ADCY2: variants seen among roughly 807,000 people sequenced by gnomAD.
ADCY2 encodes the protein adenylate cyclase 2.
Under a neutral mutation model 125.2 loss-of-function variants are expected in ADCY2, and 31 were observed. That is an observed-to-expected ratio of 0.25 (90% CI 0.19 to 0.33). The LOEUF (loss-of-function observed/expected upper bound fraction) is 0.33. Ranked by LOEUF, ADCY2 falls within the 10% of genes least tolerant of loss-of-function variation. The pLI is 1.00. For missense variants in ADCY2, 904 were observed against 1,418.2 expected, an observed-to-expected ratio of 0.64 and a Z score of 5.82; for synonymous variants, 512 against 548.4, an observed-to-expected ratio of 0.93 and a Z score of 0.93.
rs546133769 is a variant in ADCY2 at position 7,536,150 on chromosome 5, G to A, written c.570+15251G>A. Among the ~76,000 whole-genome samples, 36 of 152,326 alleles carry A rather than the reference G, an allele frequency of 2.4e-4. 1 individual carries two copies. The South Asian group carries it at 6.4e-3, about 27-fold the overall frequency. On this transcript the variant is annotated intron_variant, in intron 3 of 24. Transcript: ENST00000338316. ...GTTGAAGACTGTGTTTCCTGATTTA[G>A]TACAAAGGAGTTTCTCTGAGGCAAA...
At chr5:7,706,455 C>T (rs1561179007) in intron 7 of ADCY2, among the ~76,000 whole-genome samples, 1 of 152,168 alleles carries the variant, frequency 6.6e-6, no homozygotes, top group Non-Finnish European at 1.5e-5. Context: ...CACATGGTAG[C>T]TGCTTGATAC....
intron 1 of ADCY2, among the ~76,000 whole-genome samples, chr5:7,404,851 C>A (rs1739410490): frequency 6.6e-6 from 1 of 152,202 alleles, no homozygotes; most frequent in African/African-American, 2.4e-5. Context: ...GGTTTGCTCA[C>A]TTCCCTGTCT....
intron 4 of ADCY2, among the ~76,000 whole-genome samples, chr5:7,647,870 T>C (rs1738953528): frequency 6.6e-6 from 1 of 152,212 alleles, no homozygotes; most frequent in South Asian, 2.1e-4. Flanking sequence ...CCCCTCTGTA[T>C]TGAAATATTT....
chr5:7,822,945 G>A (rs1013880343), intron 24 of ADCY2, among the ~76,000 whole-genome samples: 1 of 152,194 alleles, frequency 6.6e-6, no homozygotes, highest in Non-Finnish European at 1.5e-5. Context: ...GCTTAGCCAA[G>A]ACATGCGAAT....
At chr5:7,594,746 G>A (rs968407845) in intron 3 of ADCY2, among the ~76,000 whole-genome samples, 2 of 152,124 alleles carry the variant, frequency 1.3e-5, no homozygotes, top group East Asian at 3.9e-4. Flanking sequence ...AGGTGGGTAG[G>A]ATTTTCTATA....
chr5:7,396,221 G>T lies in ADCY2; in HGVS notation c.-76G>T, dbSNP rs1739018470. 7.1e-6 allele frequency: 6 copies of T among 847,440 alleles called. No homozygotes were observed. In the South Asian group the frequency reaches 2.7e-4, roughly 38 times the overall value. 52.5% of individuals were successfully genotyped at this position (847,440 alleles called of 1,614,324 possible). ...CCGGGCCGGCCGAGGCGGCGCGGGGGTGGGACGCGGGCGGCCGCGGCGAGC... is the reference window on the plus strand; with the variant it reads ...CCGGGCCGGCCGAGGCGGCGCGGGGTTGGGACGCGGGCGGCCGCGGCGAGC... On this transcript the variant is annotated 5_prime_UTR_variant, in exon 1 of 25. Coordinates refer to ENST00000338316, the MANE Select transcript of ADCY2 (RefSeq NM_020546.3). This position sits in a 1 kb window ranked among gnomAD's most constrained non-coding sequence, Gnocchi z 5.7.
chr5:7,408,368 A>G (rs970530069), intron 1 of ADCY2, among the ~76,000 whole-genome samples: 4 of 151,914 alleles, frequency 2.6e-5, no homozygotes, highest in Admixed American at 6.6e-5. Context: ...TTAGGTGGCT[A>G]TTATTATTAT....
chr5:7,735,917 G>T (rs1742235756), intron 14 of ADCY2, among the ~76,000 whole-genome samples: 1 of 152,114 alleles, frequency 6.6e-6, no homozygotes, highest in South Asian at 2.1e-4. Context: ...AAAGTTTTGG[G>T]CCAGGCATGC....
intron 4 of ADCY2, among the ~76,000 whole-genome samples, chr5:7,660,922 A>G (rs1213820535): frequency 2.0e-5 from 3 of 152,200 alleles, no homozygotes; most frequent in Non-Finnish European, 2.9e-5. Context: ...GGAGGTGAGG[A>G]AAGATCCTTG....
rs1355562230 is a variant in ADCY2 at position 7,717,324 on chromosome 5, A to C, written c.1703+87A>C. On this transcript the variant is annotated intron_variant, in intron 12 of 24. Transcript: ENST00000338316. The stretch of plus-strand genomic sequence containing the variant: ...CATGGGCTCTGCAATAGTTACCATG[A>C]CAAAGCCAAGTTTCTGAGACCATTC... 3 of 862,562 alleles carry C rather than the reference A, an allele frequency of 3.5e-6. No individual in the cohort carries two copies. The African/African-American group carries it at 5.2e-5, about 15-fold the overall frequency. 53.4% of individuals were successfully genotyped at this position (862,562 alleles called of 1,614,324 possible). A position where few individuals can be genotyped will look rare whatever the true frequency, so the allele number is the denominator to read the frequency against.
chr5:7,787,181 G>A (rs993359083), intron 19 of ADCY2, among the ~76,000 whole-genome samples: 4 of 152,160 alleles, frequency 2.6e-5, no homozygotes, highest in East Asian at 1.9e-4. Flanking sequence ...GGAAGCCTGC[G>A]TGTCTCTCCC....
chr5:7,534,264 C>T (rs1044466004), intron 3 of ADCY2, among the ~76,000 whole-genome samples: 2 of 152,240 alleles, frequency 1.3e-5, no homozygotes, highest in Admixed American at 6.5e-5. Context: ...CCATCACACC[C>T]ATGCTGGTGG....
chr5:7,585,103 A>G (rs2126616929), intron 3 of ADCY2, among the ~76,000 whole-genome samples: 1 of 152,286 alleles, frequency 6.6e-6, no homozygotes, highest in African/African-American at 2.4e-5. Flanking sequence ...ACCATCATTA[A>G]CTATATTTAG....
chr5:7,593,802 G>A (rs1389371922), intron 3 of ADCY2, among the ~76,000 whole-genome samples: 2 of 151,022 alleles, frequency 1.3e-5, no homozygotes, highest in Non-Finnish European at 3.0e-5. Context: ...ATAGACAAAC[G>A]TGAAAAAAAA....
chr5:7,600,352 C>G (rs1303699585), intron 3 of ADCY2, among the ~76,000 whole-genome samples: 1 of 152,102 alleles, frequency 6.6e-6, no homozygotes, highest in Non-Finnish European at 1.5e-5. Flanking sequence ...CAGGAGGGCA[C>G]AGTGGACTGG....
At chr5:7,501,620 C>T (rs1743576490) in intron 2 of ADCY2, among the ~76,000 whole-genome samples, 1 of 87,596 alleles carries the variant, frequency 1.1e-5, no homozygotes, top group African/African-American at 4.7e-5. Context: ...CCTCATATCC[C>T]ATCAAAAAAG....
At chr5:7,724,725 T>C in intron 13 of ADCY2, 111 bp downstream of exon 13, 2 of 751,626 alleles carry the variant, frequency 2.7e-6, no homozygotes, top group Non-Finnish European at 4.4e-6. Context: ...CCTCTGACTA[T>C]ATTCGAACTC....
intron 20 of ADCY2, chr5:7,801,254 A>G (rs1179768589): frequency 6.6e-6 from 1 of 152,272 alleles, no homozygotes; most frequent in African/African-American, 2.4e-5. Context: ...GGGCTTACTG[A>G]TAATGTTCAT....
intron 2 of ADCY2, among the ~76,000 whole-genome samples, chr5:7,463,956 T>A (rs557493164): frequency 6.6e-6 from 1 of 152,234 alleles, no homozygotes; most frequent in South Asian, 2.1e-4. Flanking sequence ...TTTTGGTGCA[T>A]CTTATGTAAC....
Sources: allele counts gnomAD v4.1 joint callset (sites outside exome capture counted in the v4.1 genomes callset), GRCh38; gene constraint gnomAD v4.1.1; non-coding constraint Gnocchi (gnomAD v3.1); transcripts MANE v1.5; gene names NCBI Gene and HGNC (gene_info 2026-07-23, HGNC 2026-07-21).